Variants in ARID1B observed in about 807,000 individuals in gnomAD.
The protein encoded by ARID1B is AT-rich interaction domain 1B.
In ARID1B, 30 loss-of-function variants were observed where a neutral mutation model predicts 212.3. The ratio of observed to expected loss-of-function variants is 0.14; its 90% CI spans 0.11 to 0.19. The LOEUF (loss-of-function observed/expected upper bound fraction) is 0.19, where lower values mean the gene tolerates loss of function less well. Among genes scored for constraint, ARID1B ranks in the 10% least tolerant of loss-of-function variants. The probability of loss-of-function intolerance (pLI) is 1.00; values close to 1 mark genes in which losing one functional copy is unlikely to be tolerated. For missense variants in ARID1B, 2,891 were observed against 3,204.0 expected (o/e 0.90, Z 2.36); for synonymous variants, 1,402 against 1,301.7 (o/e 1.08, Z -1.66).
rs558958986 is a variant in ARID1B, at chr6:156,910,994, CTTAA to C, written c.2136+9474_2136+9477del. Among the ~76,000 whole-genome samples, 438 of 152,190 alleles carry C rather than the reference CTTAA, an allele frequency of 2.9e-3. 1 individual carries two copies. The highest frequency in any genetic ancestry group is 4.8e-3 in the Non-Finnish European group (326 of 67,996). ...GAAGTATATAATAAAGTATTGTATG[CTTAA>C]TTAAACAAATATTTAGGCATACTAC... On this transcript the variant is annotated intron_variant, in intron 3 of 19. Transcript: ENST00000636930.
intron 4 of ARID1B, among the ~76,000 whole-genome samples, chr6:156,964,560 G>A (rs561087706): frequency 1.3e-5 from 2 of 152,168 alleles, no homozygotes; most frequent in Admixed American, 6.5e-5. Flanking sequence ...TTATGATGGC[G>A]TAATTTTATG....
rs185491272 is a variant in ARID1B at position 156,867,174 on chromosome 6, G to A, written c.1987-34202G>A. 1.3e-3 allele frequency among the ~76,000 whole-genome samples: 199 copies of A among 152,290 alleles called. 2 individuals carry two copies. The Middle Eastern group carries it at 0.044, about 34-fold the overall frequency. On this transcript the variant is annotated intron_variant, in intron 2 of 19. Coordinates refer to ENST00000636930, the MANE Select transcript of ARID1B (RefSeq NM_001374828.1). ...CATGACATATCTGGACCTACTAAAGGGTAGCAAAGAAAATCATATTGCTGG... is the reference window on the plus strand; with the variant it reads ...CATGACATATCTGGACCTACTAAAGAGTAGCAAAGAAAATCATATTGCTGG...
intron 4 of ARID1B, among the ~76,000 whole-genome samples, chr6:157,080,856 A>G (rs1032092747): frequency 2.5e-4 from 38 of 152,198 alleles, no homozygotes; most frequent in African/African-American, 9.2e-4. Context: ...CAGCTTCATG[A>G]TTTTGGTTTT....
Position 156,846,804 on chromosome 6 carries a change from G to T in ARID1B, c.1986+17383G>T, listed in dbSNP as rs541767901. ...TCTTGACTTCCTACAGGACAGGTGGGGATTGGGAAGGGGGATCTCTGAATT... is the reference window on the plus strand; with the variant it reads ...TCTTGACTTCCTACAGGACAGGTGGTGATTGGGAAGGGGGATCTCTGAATT... On this transcript the variant is annotated intron_variant, in intron 2 of 19. Coordinates refer to ENST00000636930, the MANE Select transcript of ARID1B (RefSeq NM_001374828.1). Among the ~76,000 whole-genome samples, 15 of 152,210 alleles carry T rather than the reference G, an allele frequency of 9.9e-5. No homozygotes were observed. In the East Asian group the frequency reaches 2.9e-3, roughly 29 times the overall value.
Position 157,210,605 on chromosome 6 carries a change from C to T in ARID1B, c.*2714C>T, listed in dbSNP as rs1280610145. On this transcript the variant is annotated 3_prime_UTR_variant, in exon 20 of 20. Coordinates refer to ENST00000636930, the MANE Select transcript of ARID1B (RefSeq NM_001374828.1). The stretch of plus-strand genomic sequence containing the variant: ...TACAGCCTGCTTGAGATCATCTTGC[C>T]TATAAACTGAGTTATTGCTTTGTCC... The T allele has an allele frequency of 4.3e-6, 1 of 230,834 alleles. No homozygotes were observed. The highest frequency in any genetic ancestry group is 8.5e-6 in the Non-Finnish European group (1 of 117,402). 14.3% of individuals were successfully genotyped at this position (230,834 alleles called of 1,614,324 possible).
chr6:157,001,933 G>A (rs1021024756), intron 4 of ARID1B, among the ~76,000 whole-genome samples: 3 of 152,208 alleles, frequency 2.0e-5, no homozygotes, highest in Admixed American at 6.5e-5. Flanking sequence ...GGCTCCCCAC[G>A]CTGCTCGTTT....
At chr6:157,187,503 A>G (rs376152434) in intron 13 of ARID1B, among the ~76,000 whole-genome samples, 29 of 152,026 alleles carry the variant, frequency 1.9e-4, no homozygotes, top group African/African-American at 6.5e-4. Context: ...CCTTCTCCCC[A>G]CCCTACTTCG....
rs11961575 is a variant in ARID1B, at chr6:157,034,584, C to T, written c.2248-50078C>T. Among the ~76,000 whole-genome samples, 677 of 152,254 alleles carry T rather than the reference C, an allele frequency of 4.4e-3. 4 individuals carry two copies. The highest frequency in any genetic ancestry group is 0.015 in the African/African-American group (643 of 41,544). Reference sequence around the variant, plus strand: ...AGGAACAAAAAAGCTTAGCTGATTTCGGCCGGTAAGTTTAATGACTACTAC... The same window carrying T: ...AGGAACAAAAAAGCTTAGCTGATTTTGGCCGGTAAGTTTAATGACTACTAC... On this transcript the variant is annotated intron_variant, in intron 4 of 19. Transcript: ENST00000636930.
Position 157,010,247 on chromosome 6 carries a change from G to A in ARID1B, c.2248-74415G>A, listed in dbSNP as rs537810212. ...CTGATCAGTAAAATTCTAGGCTTCT[G>A]TCTAATTTTGTTAACATTTATGCAT... On this transcript the variant is annotated intron_variant, in intron 4 of 19. Coordinates refer to ENST00000636930, the MANE Select transcript of ARID1B (RefSeq NM_001374828.1). 2.3e-5 allele frequency among the ~76,000 whole-genome samples: 3 copies of A among 132,840 alleles called. No homozygotes were observed. In the South Asian group the frequency reaches 7.4e-4, roughly 33 times the overall value. 87.1% of individuals were successfully genotyped at this position (132,840 alleles called of 152,430 possible).
At chr6:157,079,298 C>G (rs1276811134) in intron 4 of ARID1B, among the ~76,000 whole-genome samples, 1 of 152,118 alleles carries the variant, frequency 6.6e-6, no homozygotes, top group East Asian at 1.9e-4. Context: ...CAAATGAAAG[C>G]AGCAGGGACT....
intron 2 of ARID1B, among the ~76,000 whole-genome samples, chr6:156,882,601 C>T (rs1304430610): frequency 6.6e-6 from 1 of 152,078 alleles, no homozygotes; most frequent in Non-Finnish European, 1.5e-5. Context: ...AATCAGGAGA[C>T]CAGAAATATA....
At chr6:156,962,851 C>G (rs904008006) in intron 4 of ARID1B, among the ~76,000 whole-genome samples, 4 of 152,074 alleles carry the variant, frequency 2.6e-5, no homozygotes, top group Non-Finnish European at 5.9e-5. Flanking sequence ...GGCACGATCT[C>G]GGCTCACTGC....
At chr6:157,133,479 A>G (rs998988147) in intron 7 of ARID1B, among the ~76,000 whole-genome samples, 6 of 152,218 alleles carry the variant, frequency 3.9e-5, no homozygotes, top group South Asian at 2.1e-4. Context: ...GGGGACCCCT[A>G]TCTTCTGTGA....
rs111368751 is a variant in ARID1B at position 157,181,142 on chromosome 6, C to G, written c.3678C>G (p.Leu1226=). ...AGAAGCCCCTGGACCTGTTCCGACT[C>G]TACGTCTGCGTCAAAGAGATCGGGG... ...VGKKPLDLFR[L]YVCVKEIGGL... is the part of the protein sequence containing the mutation. The change falls in exon 12 of 20, where the codon CTC becomes CTG. Residue 1226 remains leucine, a synonymous_variant. Coordinates refer to ENST00000636930, the MANE Select transcript of ARID1B (RefSeq NM_001374828.1). 5.9e-5 allele frequency: 95 copies of G among 1,614,068 alleles called. No homozygotes were observed. Among genetic ancestry groups the G allele is most frequent in the Non-Finnish European group, 7.7e-5 (91 of 1,180,052 alleles).
Position 156,779,311 on chromosome 6 carries a change from GGGC to G in ARID1B, c.1640_1642del (p.Ala547del), listed in dbSNP as rs1367431735. On this transcript the variant is annotated inframe_deletion, in exon 1 of 20. Transcript: ENST00000636930. ...CCCCAGTCCCAGGCGGCGGCGGCGG[GGGC>G]GGCGGCGGGCGGCCAGCAGGCGGCC... is the stretch of plus-strand genomic sequence containing the variant. The G allele has an allele frequency of 5.3e-6, 6 of 1,133,800 alleles. No homozygotes were observed. Among genetic ancestry groups the G allele is most frequent in the East Asian group, 4.3e-5 (1 of 23,346 alleles). The allele number at this position is 1,133,800 out of a possible 1,614,324, so 70.2% of individuals were successfully genotyped here. A position where few individuals can be genotyped will look rare whatever the true frequency, so the allele number is the denominator to read the frequency against.
At chr6:157,137,225 A>G (rs1788988104) in intron 7 of ARID1B, among the ~76,000 whole-genome samples, 1 of 152,142 alleles carries the variant, frequency 6.6e-6, no homozygotes, top group African/African-American at 2.4e-5. Context: ...AAGAAGGGGG[A>G]ATGTTAGAAA....
rs185310848 is a variant in ARID1B, at chr6:156,861,570, T to C, written c.1986+32149T>C. On this transcript the variant is annotated intron_variant, in intron 2 of 19. Transcript: ENST00000636930. The stretch of plus-strand genomic sequence containing the variant: ...AGGTTGCAGTGAGCTGTGATTGTAC[T>C]ACTGCACTCAAGCCTGGGTTTCAGA... 3.2e-3 allele frequency among the ~76,000 whole-genome samples: 490 copies of C among 152,142 alleles called. 2 individuals carry two copies. The highest frequency in any genetic ancestry group is 0.011 in the African/African-American group (466 of 41,514).
At position 156,955,729 on chromosome 6, in the gene ARID1B, A is replaced by G. The variant is rs777343859; in HGVS notation, c.2247+20153A>G. Among the ~76,000 whole-genome samples, 3 of 152,196 alleles carry G rather than the reference A, an allele frequency of 2.0e-5. No individual in the cohort carries two copies. The highest frequency in any genetic ancestry group is 4.4e-5 in the Non-Finnish European group (3 of 68,034). ...GGTAGGAGAACCTATGCCCATCTCC[A>G]GAAGGGCCCTAGAAACAGAGCCTGG... On this transcript the variant is annotated intron_variant, in intron 4 of 19. Transcript: ENST00000636930. This position sits in a 1 kb window ranked among gnomAD's most constrained non-coding sequence, Gnocchi z 4.2.
At chr6:157,068,438 A>C (rs746442689) in intron 4 of ARID1B, among the ~76,000 whole-genome samples, 1 of 152,218 alleles carries the variant, frequency 6.6e-6, no homozygotes, top group Non-Finnish European at 1.5e-5. Context: ...ACCCACAAGA[A>C]GATACACTAA....
Sources: allele counts gnomAD v4.1 joint callset (sites outside exome capture counted in the v4.1 genomes callset), GRCh38; gene constraint gnomAD v4.1.1; non-coding constraint Gnocchi (gnomAD v3.1); transcripts MANE v1.5; gene names NCBI Gene and HGNC (gene_info 2026-07-23, HGNC 2026-07-21).